Variants in ANO1 observed in about 807,000 individuals in gnomAD.
ANO1 encodes anoctamin-1.
ANO1 carries 59 observed loss-of-function variants against 124.0 expected under a neutral mutation model. That is an observed-to-expected ratio of 0.48 (90% CI 0.39 to 0.59). The LOEUF is 0.59. Among genes scored for constraint, ANO1 ranks in the 20% least tolerant of loss-of-function variants. The pLI, the probability that ANO1 is intolerant of heterozygous loss-of-function variation, is 0.00. For synonymous variants in ANO1, 529 were observed against 532.0 expected (o/e 0.99, Z 0.08); for missense variants, 1,059 against 1,328.0 (o/e 0.80, Z 3.15).
intron 1 of ANO1, among the ~76,000 whole-genome samples, chr11:69,999,605 C>T (rs1460126648): frequency 6.6e-6 from 1 of 152,156 alleles, no homozygotes; most frequent in Non-Finnish European, 1.5e-5. Context: ...CTTTACGCAC[C>T]ATCTGGCCCT....
chr11:70,094,065 G>A (rs912682796), intron 2 of ANO1, among the ~76,000 whole-genome samples: 2 of 152,280 alleles, frequency 1.3e-5, no homozygotes, highest in African/African-American at 2.4e-5. Flanking sequence ...GTTAATCCTC[G>A]AGCCCACAGA....
intron 11 of ANO1, among the ~76,000 whole-genome samples, chr11:70,132,892 G>A (rs1204720300): frequency 6.6e-6 from 1 of 152,206 alleles, no homozygotes; most frequent in Non-Finnish European, 1.5e-5. Flanking sequence ...CCTTACCTGT[G>A]AGCTCCCACC....
intron 1 of ANO1, among the ~76,000 whole-genome samples, chr11:70,032,853 G>A (rs746098336): frequency 8.3e-4 from 125 of 150,440 alleles, no homozygotes; most frequent in Non-Finnish European, 1.6e-3. Context: ...AAGAGGGAAA[G>A]TAGAAGGGTG....
intron 1 of ANO1, chr11:70,018,426 G>C (rs1193573319): frequency 6.6e-6 from 1 of 152,148 alleles, no homozygotes; most frequent in Admixed American, 6.5e-5. Flanking sequence ...CTGGCCCTTT[G>C]TGGGCAGGTG....
chr11:70,040,601 G>A (rs1363496291), intron 1 of ANO1, among the ~76,000 whole-genome samples: 1 of 152,176 alleles, frequency 6.6e-6, no homozygotes, highest in African/African-American at 2.4e-5. Flanking sequence ...CTTGAGCCTG[G>A]GAGGCGGAGT....
chr11:70,011,527 A>G (rs982111376), intron 1 of ANO1, among the ~76,000 whole-genome samples: 1 of 151,936 alleles, frequency 6.6e-6, no homozygotes, highest in Non-Finnish European at 1.5e-5. Flanking sequence ...TCCTTCATCC[A>G]TTTTCAATAA....
chr11:70,080,168 G>T (rs1408044592), intron 1 of ANO1, among the ~76,000 whole-genome samples: 1 of 152,228 alleles, frequency 6.6e-6, no homozygotes, highest in Non-Finnish European at 1.5e-5. Context: ...ATAGTGCTGG[G>T]CCAGTGCTGT....
At chr11:70,184,744 T>G (rs2049045548) in intron 24 of ANO1, among the ~76,000 whole-genome samples, 1 of 152,164 alleles carries the variant, frequency 6.6e-6, no homozygotes, top group Non-Finnish European at 1.5e-5. Context: ...GTTTTTTGGT[T>G]GTTGTTTGGT....
At chr11:70,103,263 A>AT (rs1466438421) in intron 3 of ANO1, 99 bp downstream of exon 3, 3 of 968,502 alleles carry the variant, frequency 3.1e-6, no homozygotes, top group Non-Finnish European at 4.5e-6. Context: ...CCTGAGTTTT[A>AT]TAAAAAAAAA....
intron 11 of ANO1, among the ~76,000 whole-genome samples, chr11:70,140,654 T>A (rs1017561840): frequency 6.6e-6 from 1 of 152,200 alleles, no homozygotes; most frequent in Non-Finnish European, 1.5e-5. Flanking sequence ...AGTGCTTGTT[T>A]ATGTAGAGGA....
chr11:70,055,005 T>G (rs1262806647), intron 1 of ANO1, among the ~76,000 whole-genome samples: 1 of 152,228 alleles, frequency 6.6e-6, no homozygotes, highest in Non-Finnish European at 1.5e-5. Flanking sequence ...GTGATTTAAT[T>G]TTGTTTTATA....
intron 1 of ANO1, among the ~76,000 whole-genome samples, chr11:70,000,023 C>T (rs994544102): frequency 2.6e-5 from 4 of 152,158 alleles, no homozygotes; most frequent in Non-Finnish European, 4.4e-5. Flanking sequence ...ACCAAATGCT[C>T]GCTGCTGCCA....
intron 14 of ANO1, 72 bp downstream of exon 14, chr11:70,153,200 T>C (rs1458047799): frequency 7.4e-7 from 1 of 1,350,834 alleles, no homozygotes; most frequent in Non-Finnish European, 1.0e-6. Flanking sequence ...AGACCTGGGA[T>C]CAGCCCAGAG....
chr11:69,983,586 C>T (rs1401433960), upstream of ANO1, among the ~76,000 whole-genome samples: 1 of 152,198 alleles, frequency 6.6e-6, no homozygotes, highest in Non-Finnish European at 1.5e-5. Flanking sequence ...TCCGGGTGCT[C>T]CTCTTCCAGG....
chr11:70,032,542 G>GT (rs1193449991), intron 1 of ANO1, among the ~76,000 whole-genome samples: 10 of 151,386 alleles, frequency 6.6e-5, no homozygotes, highest in Admixed American at 3.3e-4. Context: ...GAGAGGGGGG[G>GT]GGTCTCTGAA....
rs2135164307 is a variant in ANO1, at chr11:70,078,679, A to G, written c.73A>G (p.Ile25Val). ...RSVHIINICAIEDIGYLPSEG... is the reference protein window; with the variant it reads ...RSVHIINICAVEDIGYLPSEG... ...CGTCCACATCATCAACATCTGCGCC[A>G]TCGAGGACATCGGCTACCTGCCGTC... Residue 25 changes from isoleucine to valine, a missense_variant, in exon 1 of 26, where the codon ATC becomes GTC. Physicochemically the swap from Ile to Val is conservative, Grantham distance 29. Transcript: ENST00000355303. 6.7e-7 allele frequency: 1 copy of G among 1,492,056 alleles called. No individual in the cohort carries two copies. The highest frequency in any genetic ancestry group is 1.5e-5 in the African/African-American group (1 of 68,008). The allele number at this position is 1,492,056 out of a possible 1,614,324, so 92.4% of individuals were successfully genotyped here.
intron 7 of ANO1, among the ~76,000 whole-genome samples, chr11:70,115,955 G>A (rs572364609): frequency 6.6e-6 from 1 of 152,288 alleles, no homozygotes; most frequent in East Asian, 1.9e-4. Context: ...GCTTCTCGGA[G>A]CCTCAGTGAT....
intron 7 of ANO1, among the ~76,000 whole-genome samples, chr11:70,113,953 A>G (rs947379456): frequency 6.6e-6 from 1 of 152,126 alleles, no homozygotes; most frequent in Admixed American, 6.5e-5. Flanking sequence ...TCATCCCGTC[A>G]TGGAGGCCAA....
At chr11:70,011,552 C>T (rs1856598638) in intron 1 of ANO1, among the ~76,000 whole-genome samples, 2 of 152,206 alleles carry the variant, frequency 1.3e-5, no homozygotes, top group African/African-American at 2.4e-5. Context: ...CACTCTCCCA[C>T]AACCCCCCAC....
Sources: allele counts gnomAD v4.1 joint callset (sites outside exome capture counted in the v4.1 genomes callset), GRCh38; gene constraint gnomAD v4.1.1; transcripts MANE v1.5; gene names NCBI Gene and HGNC (gene_info 2026-07-23, HGNC 2026-07-21).